The following CHRM3 variants were observed in gnomAD, a reference collection of about 807,000 sequenced individuals.
CHRM3 encodes muscarinic acetylcholine receptor M3.
Under a neutral mutation model 41.8 loss-of-function variants are expected in CHRM3, and 11 were observed. That is an observed-to-expected ratio of 0.26 (90% CI 0.17 to 0.44). The LOEUF (loss-of-function observed/expected upper bound fraction) is 0.44, where lower values mean the gene tolerates loss of function less well. Among genes scored for constraint, CHRM3 ranks in the 20% least tolerant of loss-of-function variants. The pLI is 1.00. For missense variants in CHRM3, 571 were observed against 745.4 expected, an observed-to-expected ratio of 0.77 and a Z score of 2.72; for synonymous variants, 297 against 301.4, an observed-to-expected ratio of 0.99 and a Z score of 0.15.
intron 2 of CHRM3, among the ~76,000 whole-genome samples, chr1:239,507,303 G>A (rs985506374): frequency 6.6e-6 from 1 of 152,144 alleles, no homozygotes; most frequent in Non-Finnish European, 1.5e-5. Flanking sequence ...ATCACTGGGG[G>A]CAGGTCTTTC....
intron 5 of CHRM3, among the ~76,000 whole-genome samples, chr1:239,766,603 GTTCACAGGATA>G (rs1667227333): frequency 6.6e-6 from 1 of 151,956 alleles, no homozygotes; most frequent in Admixed American, 6.6e-5. Flanking sequence ...TACAAACGAA[GTTCACAGGATA>G]TCTGTCTATA....
chr1:239,407,545 C>A (rs781544957), intron 1 of CHRM3, among the ~76,000 whole-genome samples: 2 of 151,570 alleles, frequency 1.3e-5, no homozygotes, highest in African/African-American at 2.4e-5. Context: ...TTTCTTATTG[C>A]AGAAAGGAAA....
intron 5 of CHRM3, among the ~76,000 whole-genome samples, chr1:239,750,828 C>A (rs1473559609): frequency 6.6e-6 from 1 of 152,198 alleles, no homozygotes; most frequent in Non-Finnish European, 1.5e-5. Flanking sequence ...GCCCAATTTG[C>A]AAATCATTCT....
intron 1 of CHRM3, among the ~76,000 whole-genome samples, chr1:239,413,887 T>C (rs902475644): frequency 1.3e-5 from 2 of 152,210 alleles, no homozygotes; most frequent in Admixed American, 1.3e-4. Flanking sequence ...TTCATTGTGA[T>C]TGTAAATGTT....
chr1:239,690,281 G>A (rs763040287), intron 5 of CHRM3, among the ~76,000 whole-genome samples: 6 of 151,888 alleles, frequency 4.0e-5, no homozygotes, highest in Admixed American at 6.6e-5. Flanking sequence ...CTGGAGTGAC[G>A]GGATCTCGAC....
At chr1:239,594,728 A>C (rs1417708645) in intron 3 of CHRM3, among the ~76,000 whole-genome samples, 1 of 152,208 alleles carries the variant, frequency 6.6e-6, no homozygotes. Flanking sequence ...TCTTTTAAGA[A>C]AGGTAATATA....
chr1:239,804,899 G>A (rs921539334), intron 5 of CHRM3, among the ~76,000 whole-genome samples: 14 of 151,998 alleles, frequency 9.2e-5, no homozygotes, highest in African/African-American at 2.9e-4. Flanking sequence ...TAAAATGTTC[G>A]CTTTTATCAC....
chr1:239,655,721 G>A (rs1489058009), intron 4 of CHRM3, among the ~76,000 whole-genome samples: 10 of 152,252 alleles, frequency 6.6e-5, no homozygotes, highest in Middle Eastern at 3.4e-3. Flanking sequence ...TATAATATCA[G>A]TGTAATCTTG....
chr1:239,400,859 G>T (rs1659909705), intron 1 of CHRM3, among the ~76,000 whole-genome samples: 1 of 152,066 alleles, frequency 6.6e-6, no homozygotes, highest in Non-Finnish European at 1.5e-5. Flanking sequence ...TCTTTAAATA[G>T]AAATTGTTAT....
At position 239,769,653 on chromosome 1, in the gene CHRM3, G is replaced by A. The variant is rs534790987; in HGVS notation, c.-146-57599G>A. ...GCCCAACACTTTGGGAGGCCAAGGC[G>A]GGTAGATCACCTGAAGTGAGGAGTT... On this transcript the variant is annotated intron_variant, in intron 5 of 6. Coordinates refer to ENST00000676153, the MANE Select transcript of CHRM3 (RefSeq NM_001375978.1). Among the ~76,000 whole-genome samples the A allele has an allele frequency of 3.9e-4, 59 of 152,252 alleles. No homozygotes were observed. In the South Asian group the frequency reaches 7.3e-3, roughly 19 times the overall value.
At chr1:239,400,010 C>T (rs2102971132) in intron 1 of CHRM3, among the ~76,000 whole-genome samples, 1 of 152,206 alleles carries the variant, frequency 6.6e-6, no homozygotes, top group East Asian at 1.9e-4. Context: ...TCTTCTGGTT[C>T]AAGCGATTCT....
At chr1:239,549,677 A>G (rs920266124) in intron 3 of CHRM3, among the ~76,000 whole-genome samples, 64 of 149,638 alleles carry the variant, frequency 4.3e-4, no homozygotes, top group South Asian at 1.1e-3. Context: ...AAAAAAAAAA[A>G]TGGAGTCTCC....
chr1:239,912,807 CT>C lies in CHRM3; in HGVS notation c.*3585del. On this transcript the variant is annotated 3_prime_UTR_variant, in exon 7 of 7. Coordinates refer to ENST00000676153, the MANE Select transcript of CHRM3 (RefSeq NM_001375978.1). ...AAATTGCACAATCTTCCCCTGGCAG[CT>C]TCAGAGGACGAGTGAAAATAGTGCA... is the stretch of plus-strand genomic sequence containing the variant. 6.0e-6 allele frequency: 1 copy of C among 167,154 alleles called. No homozygotes were observed. Among genetic ancestry groups the C allele is most frequent in the Non-Finnish European group, 1.5e-5 (1 of 68,166 alleles). 10.4% of individuals were successfully genotyped at this position (167,154 alleles called of 1,614,324 possible). A position where few individuals can be genotyped will look rare whatever the true frequency, so the allele number is the denominator to read the frequency against.
chr1:239,677,021 T>C (rs1658070228), intron 4 of CHRM3, among the ~76,000 whole-genome samples: 2 of 152,098 alleles, frequency 1.3e-5, no homozygotes, highest in South Asian at 2.1e-4. Context: ...GCTAGATCTC[T>C]TTCTCCTCCC....
At chr1:239,642,751 C>T (rs1345678445) in intron 4 of CHRM3, among the ~76,000 whole-genome samples, 1 of 152,154 alleles carries the variant, frequency 6.6e-6, no homozygotes, top group African/African-American at 2.4e-5. Context: ...CATCTGAAGC[C>T]TTCTTCTCTC....
chr1:239,415,785 A>T (rs1447522303), intron 1 of CHRM3, among the ~76,000 whole-genome samples: 1 of 152,198 alleles, frequency 6.6e-6, no homozygotes, highest in East Asian at 1.9e-4. Context: ...ATCATATGTC[A>T]CTTCATTCAT....
intron 5 of CHRM3, among the ~76,000 whole-genome samples, chr1:239,695,144 G>A (rs1660067227): frequency 6.6e-6 from 1 of 152,118 alleles, no homozygotes; most frequent in Non-Finnish European, 1.5e-5. Context: ...CTGAGTAGCT[G>A]GGACTACAGG....
At chr1:239,847,386 A>T (rs935627676) in intron 6 of CHRM3, among the ~76,000 whole-genome samples, 4 of 152,228 alleles carry the variant, frequency 2.6e-5, no homozygotes, top group Non-Finnish European at 5.9e-5. Context: ...ACTAAAATAG[A>T]TCTTCAAAAT....
intron 1 of CHRM3, among the ~76,000 whole-genome samples, chr1:239,451,651 C>T (rs991376930): frequency 3.9e-5 from 6 of 152,158 alleles, no homozygotes; most frequent in Non-Finnish European, 7.3e-5. Flanking sequence ...ATACAGATTT[C>T]AAACTTTAAT....
Sources: allele counts gnomAD v4.1 joint callset (sites outside exome capture counted in the v4.1 genomes callset), GRCh38; gene constraint gnomAD v4.1.1; transcripts MANE v1.5; gene names NCBI Gene and HGNC (gene_info 2026-07-23, HGNC 2026-07-21).